USP46: variants seen among roughly 807,000 people sequenced by gnomAD.
USP46 encodes ubiquitin carboxyl-terminal hydrolase 46.
A neutral mutation model predicts 44.4 loss-of-function variants in USP46; 12 were observed. That is an observed-to-expected ratio of 0.27 (90% CI 0.17 to 0.44). USP46 has a LOEUF of 0.44. Among genes scored for constraint, USP46 ranks in the 20% least tolerant of loss-of-function variants. The pLI, the probability that USP46 is intolerant of heterozygous loss-of-function variation, is 1.00. For synonymous variants in USP46, 155 were observed against 161.5 expected (o/e 0.96, Z 0.31); for missense variants, 248 against 444.8 (o/e 0.56, Z 3.98).
chr4:52,611,087 CTG>C (rs1433258497), intron 4 of USP46, among the ~76,000 whole-genome samples: 7 of 152,094 alleles, frequency 4.6e-5, no homozygotes, highest in Admixed American at 1.3e-4. Flanking sequence ...ATCATTCAAA[CTG>C]TGTGGTGGGC....
At chr4:52,626,631 A>T (rs993631054) in intron 3 of USP46, among the ~76,000 whole-genome samples, 5 of 152,118 alleles carry the variant, frequency 3.3e-5, no homozygotes, top group African/African-American at 4.8e-5. Flanking sequence ...CCCATACTTC[A>T]ACTTTTATAT....
intron 1 of USP46, among the ~76,000 whole-genome samples, chr4:52,645,490 C>A (rs374833075): frequency 2.5e-4 from 38 of 152,238 alleles, no homozygotes; most frequent in African/African-American, 8.7e-4. Context: ...AATCTTGAGA[C>A]CATGCCTGTT....
At chr4:52,651,085 C>T (rs948533142) in intron 1 of USP46, 1 of 135,128 alleles carries the variant, frequency 7.4e-6, no homozygotes, top group Admixed American at 7.7e-5. Flanking sequence ...GAGTGAGACT[C>T]CATCTCAAAA....
At position 52,627,782 on chromosome 4, in the gene USP46, T is replaced by G. The variant is rs150859974; in HGVS notation, c.331+168A>C. On this transcript the variant is annotated intron_variant, in intron 3 of 8. Transcript: ENST00000441222. ...GTTTCTAACCCAGTTTTGTTTTAAG[T>G]TTACTGGGCAGAGAAGAAATGTTGT... 8.0e-3 allele frequency among the ~76,000 whole-genome samples: 1,215 copies of G among 152,302 alleles called. 19 individuals are homozygous for G. The highest frequency in any genetic ancestry group is 0.028 in the African/African-American group (1,158 of 41,556).
At chr4:52,622,967 T>G (rs1321562657) in intron 4 of USP46, among the ~76,000 whole-genome samples, 1 of 152,212 alleles carries the variant, frequency 6.6e-6, no homozygotes, top group East Asian at 1.9e-4. Context: ...TTGTAGGCAG[T>G]GGTATTTTCA....
intron 1 of USP46, among the ~76,000 whole-genome samples, chr4:52,644,927 C>A (rs1196349948): frequency 4.6e-5 from 7 of 151,858 alleles, no homozygotes; most frequent in Admixed American, 4.6e-4. Context: ...CGTGGTGGCA[C>A]GCGCCTGTAA....
At chr4:52,608,231 C>T (rs1164602268) in intron 5 of USP46, among the ~76,000 whole-genome samples, 1 of 152,184 alleles carries the variant, frequency 6.6e-6, no homozygotes. Flanking sequence ...GATGGGAAGG[C>T]TATCATTTTT....
intron 7 of USP46, among the ~76,000 whole-genome samples, chr4:52,601,030 A>G (rs1185292163): frequency 6.6e-6 from 1 of 152,224 alleles, no homozygotes; most frequent in South Asian, 2.1e-4. Flanking sequence ...TTAAAAATAT[A>G]TCAACCTATT....
At chr4:52,617,242 C>G (rs1367294462) in intron 4 of USP46, among the ~76,000 whole-genome samples, 3 of 152,112 alleles carry the variant, frequency 2.0e-5, no homozygotes, top group Admixed American at 1.3e-4. Context: ...CAGTATGTTC[C>G]TTAATTAGCA....
At chr4:52,607,450 A>G (rs1716731009) in intron 5 of USP46, among the ~76,000 whole-genome samples, 1 of 152,244 alleles carries the variant, frequency 6.6e-6, no homozygotes, top group Non-Finnish European at 1.5e-5. Context: ...TAAATTACCA[A>G]AGTACAGAGC....
chr4:52,604,703 T>A, intron 5 of USP46, 119 bp from the exon 6 acceptor site: 1 of 680,444 alleles, frequency 1.5e-6, no homozygotes, highest in Non-Finnish European at 2.3e-6. Flanking sequence ...GAAGAAGTAA[T>A]CAGAAAAAAA....
intron 4 of USP46, among the ~76,000 whole-genome samples, chr4:52,625,448 G>A (rs1717544396): frequency 6.6e-6 from 1 of 152,086 alleles, no homozygotes; most frequent in South Asian, 2.1e-4. Context: ...ATGACATCCT[G>A]AATCATGCTC....
At chr4:52,620,848 C>T (rs184228958) in intron 4 of USP46, among the ~76,000 whole-genome samples, 42 of 152,298 alleles carry the variant, frequency 2.8e-4, no homozygotes, top group Middle Eastern at 6.8e-3. Flanking sequence ...GTTCATATTG[C>T]CCCAAACTGG....
At position 52,594,203 on chromosome 4, in the gene USP46, GCAAA is replaced by G. The variant is rs1716135831; in HGVS notation, c.*3433_*3436del. Reference sequence around the variant, plus strand: ...CATTTTATTCATTTATTTATTTTTTGCAAACAATTTTAGAGGCAGGGTGTTAAAC... The same window carrying G: ...CATTTTATTCATTTATTTATTTTTTGCAATTTTAGAGGCAGGGTGTTAAAC... On this transcript the variant is annotated 3_prime_UTR_variant, in exon 9 of 9. Transcript: ENST00000441222. 6.6e-6 allele frequency: 1 copy of G among 151,930 alleles called. No homozygotes were observed. Among genetic ancestry groups the G allele is most frequent in the Non-Finnish European group, 1.5e-5 (1 of 67,956 alleles). The allele number at this position is 151,930 out of a possible 1,614,324, so 9.4% of individuals were successfully genotyped here.
chr4:52,637,879 G>GC lies in USP46; in HGVS notation c.37-6736dup, dbSNP rs200452509. On this transcript the variant is annotated intron_variant, in intron 1 of 8. Transcript: ENST00000441222. Reference sequence around the variant, plus strand: ...CCTGCTGTTCTCCGGTACCTCAAATGCCCCCTGCTTACCATCTGAGTGCTC... The same window carrying GC: ...CCTGCTGTTCTCCGGTACCTCAAATGCCCCCCTGCTTACCATCTGAGTGCTC... Among the ~76,000 whole-genome samples, 1,222 of 151,990 alleles carry GC rather than the reference G, an allele frequency of 8.0e-3. 19 individuals are homozygous for GC. Among genetic ancestry groups the GC allele is most frequent in the African/African-American group, 0.028 (1,164 of 41,438 alleles).
chr4:52,605,925 G>A (rs556167271), intron 5 of USP46, among the ~76,000 whole-genome samples: 11 of 152,266 alleles, frequency 7.2e-5, no homozygotes, highest in African/African-American at 1.9e-4. Context: ...TGGCTAACCC[G>A]GTTGTTCAGC....
At chr4:52,627,894 A>G in intron 3 of USP46, 56 bp downstream of exon 3, 1 of 1,534,806 alleles carries the variant, frequency 6.5e-7, no homozygotes, top group Non-Finnish European at 8.8e-7. Flanking sequence ...GAGATACAGA[A>G]CCATCAATTC....
chr4:52,601,923 G>A lies in USP46; in HGVS notation c.854C>T (p.Thr285Ile). ...VFPLELRLFN[T>I]SSDAVNLDRM... Reference sequence around the variant, plus strand: ...GTCCAGGTTCACTGCATCACTGGAGGTGTTGAAGAGCCGGAGTTCCAGAGG... The same window carrying A: ...GTCCAGGTTCACTGCATCACTGGAGATGTTGAAGAGCCGGAGTTCCAGAGG... Residue 285 changes from threonine to isoleucine, a missense_variant, in exon 7 of 9, where the codon ACC becomes ATC. This residue lies in a region of USP46 where 98 missense variants were observed against 218.2 expected (regional missense o/e 0.45). Coordinates refer to ENST00000441222, the MANE Select transcript of USP46 (RefSeq NM_022832.4). The A allele has an allele frequency of 1.9e-6, 3 of 1,613,968 alleles. No homozygotes were observed. The highest frequency in any genetic ancestry group is 2.5e-6 in the Non-Finnish European group (3 of 1,179,892).
In USP46 at chr4:52,594,626, C is replaced by T. The variant is rs1716154348; in HGVS notation, c.*3014G>A. On this transcript the variant is annotated 3_prime_UTR_variant, in exon 9 of 9. Coordinates refer to ENST00000441222, the MANE Select transcript of USP46 (RefSeq NM_022832.4). ...AAATGCAATGTTGAAAGATAAAATC[C>T]ATCTGTAATAAAGCTACACTCCAAT... The T allele has an allele frequency of 6.6e-6, 1 of 152,070 alleles. No homozygotes were observed. Among genetic ancestry groups the T allele is most frequent in the Non-Finnish European group, 1.5e-5 (1 of 68,026 alleles). 9.4% of individuals were successfully genotyped at this position (152,070 alleles called of 1,614,324 possible). A position where few individuals can be genotyped will look rare whatever the true frequency, so the allele number is the denominator to read the frequency against.
Sources: allele counts gnomAD v4.1 joint callset (sites outside exome capture counted in the v4.1 genomes callset), GRCh38; gene constraint gnomAD v4.1.1; regional missense constraint gnomAD v4.1.1; transcripts MANE v1.5; gene names NCBI Gene and HGNC (gene_info 2026-07-23, HGNC 2026-07-21).